Variants in NECTIN2 observed in about 807,000 individuals in gnomAD.
The protein encoded by NECTIN2 is nectin-2.
Under a neutral mutation model 56.9 loss-of-function variants are expected in NECTIN2, and 23 were observed. The ratio of observed to expected loss-of-function variants is 0.40; its 90% CI spans 0.29 to 0.57. The LOEUF (loss-of-function observed/expected upper bound fraction) is 0.57. Ranked by LOEUF, NECTIN2 falls within the 20% of genes least tolerant of loss-of-function variation. The pLI is 0.38. For missense variants in NECTIN2, 587 were observed against 718.3 expected (o/e 0.82, Z 2.09); for synonymous variants, 302 against 313.8 (o/e 0.96, Z 0.40).
intron 1 of NECTIN2, among the ~76,000 whole-genome samples, chr19:44,855,571 A>G (rs1968956663): frequency 6.6e-6 from 1 of 151,990 alleles, no homozygotes; most frequent in Non-Finnish European, 1.5e-5. Flanking sequence ...TCCCTCCTTC[A>G]GACAGGTCAA....
At chr19:44,883,422 G>A (rs530754475) in intron 6 of NECTIN2, among the ~76,000 whole-genome samples, 44 of 152,162 alleles carry the variant, frequency 2.9e-4, no homozygotes, top group Middle Eastern at 3.4e-3. Context: ...TTACAGATGC[G>A]CGCCACCACG....
chr19:44,849,830 G>A (rs1481214405), intron 1 of NECTIN2, among the ~76,000 whole-genome samples: 2 of 152,128 alleles, frequency 1.3e-5, no homozygotes, highest in Non-Finnish European at 2.9e-5. Flanking sequence ...AGTGACTAAC[G>A]GGGACAGGGT....
At chr19:44,858,464 A>C (rs1443953071) in intron 1 of NECTIN2, among the ~76,000 whole-genome samples, 1 of 151,960 alleles carries the variant, frequency 6.6e-6, no homozygotes, top group African/African-American at 2.4e-5. Flanking sequence ...CTGGGAATAC[A>C]GGGGCCCGCC....
chr19:44,876,917 C>T (rs1224518404), intron 5 of NECTIN2, among the ~76,000 whole-genome samples: 1 of 152,034 alleles, frequency 6.6e-6, no homozygotes, highest in Non-Finnish European at 1.5e-5. Context: ...TATGAACAGA[C>T]TCAGCTTCGA....
At chr19:44,847,812 A>G (rs1427590950) in intron 1 of NECTIN2, among the ~76,000 whole-genome samples, 1 of 152,162 alleles carries the variant, frequency 6.6e-6, no homozygotes, top group Non-Finnish European at 1.5e-5. Context: ...CCTCAGAGCC[A>G]TAGCAGGAGG....
At chr19:44,857,796 T>C (rs1290738842) in intron 1 of NECTIN2, among the ~76,000 whole-genome samples, 1 of 151,300 alleles carries the variant, frequency 6.6e-6, no homozygotes, top group East Asian at 1.9e-4. Flanking sequence ...TCCACCCACT[T>C]CGGCCTCCCA....
At chr19:44,878,580 T>G in intron 5 of NECTIN2, 1 of 1,611,794 alleles carries the variant, frequency 6.2e-7, no homozygotes, top group Non-Finnish European at 8.5e-7. Context: ...GAGTCCCAGC[T>G]GGACGGCTCC....
intron 1 of NECTIN2, among the ~76,000 whole-genome samples, chr19:44,861,345 G>T (rs1969029718): frequency 6.6e-6 from 1 of 152,172 alleles, no homozygotes; most frequent in Non-Finnish European, 1.5e-5. Context: ...ACCTGCGCTT[G>T]TATGTTTATT....
intron 6 of NECTIN2, among the ~76,000 whole-genome samples, chr19:44,884,549 A>G (rs941717829): frequency 1.3e-5 from 2 of 152,220 alleles, no homozygotes; most frequent in Non-Finnish European, 2.9e-5. Flanking sequence ...GTTCAAACCA[A>G]TAACTTGCTG....
chr19:44,885,307 C>CT (rs34485333), intron 6 of NECTIN2, among the ~76,000 whole-genome samples: 168 of 112,930 alleles, frequency 1.5e-3, no homozygotes, highest in Middle Eastern at 7.4e-3. Flanking sequence ...ATCTTTCTTT[C>CT]TTTTTTTTTT....
chr19:44,885,897 T>C (rs1435819522), intron 6 of NECTIN2, 40 bp from the exon 7 acceptor site: 1 of 1,501,948 alleles, frequency 6.7e-7, no homozygotes. Context: ...GAGGGATGCC[T>C]GGGTCTTAAT....
chr19:44,878,106 G>A (rs1969261098), intron 5 of NECTIN2: 9 of 524,540 alleles, frequency 1.7e-5, no homozygotes, highest in East Asian at 3.1e-5. Flanking sequence ...GGTCACTCCC[G>A]CTCCCTCCAT....
Position 44,865,573 on chromosome 19 carries a change from A to G in NECTIN2, c.391A>G (p.Thr131Ala), listed in dbSNP as rs754291150. 15 of 1,550,012 alleles carry G rather than the reference A, an allele frequency of 9.7e-6. No homozygotes were observed. Among genetic ancestry groups the G allele is most frequent in the African/African-American group, 8.2e-5 (6 of 73,232 alleles). The change falls in exon 2 of 9, where the codon ACG (threonine) becomes GCG (alanine). Residue 131 changes from threonine to alanine, a missense_variant. Thr to Ala is a moderately conservative substitution (Grantham distance 58). Coordinates refer to ENST00000252483, the MANE Select transcript of NECTIN2 (RefSeq NM_001042724.2). The surrounding 1 kb of genome is among the most constrained non-coding windows in gnomAD (Gnocchi z 5.2). ...CGCCACGCTGGCCCTCCACGGGCTCACGGTGGAGGACGAGGGCAACTACAC... is the reference window on the plus strand; with the variant it reads ...CGCCACGCTGGCCCTCCACGGGCTCGCGGTGGAGGACGAGGGCAACTACAC... Reference protein sequence around the residue: ...QDATLALHGLTVEDEGNYTCE... With the variant: ...QDATLALHGLAVEDEGNYTCE...
At chr19:44,863,836 A>G (rs1969061640) in intron 1 of NECTIN2, among the ~76,000 whole-genome samples, 1 of 114,156 alleles carries the variant, frequency 8.8e-6, no homozygotes. Flanking sequence ...AGCGAGACTC[A>G]GTCTCAAAAA....
chr19:44,851,650 G>A (rs973194578), intron 1 of NECTIN2, among the ~76,000 whole-genome samples: 6 of 152,198 alleles, frequency 3.9e-5, no homozygotes, highest in African/African-American at 1.4e-4. Context: ...GGGAGAGGAA[G>A]TGTGTCTGGG....
chr19:44,864,045 T>C (rs1448835494), intron 1 of NECTIN2, among the ~76,000 whole-genome samples: 3 of 151,708 alleles, frequency 2.0e-5, no homozygotes, highest in Non-Finnish European at 4.4e-5. Context: ...TATGAAAATT[T>C]TGGGGTGGGC....
chr19:44,862,582 C>T (rs1211006261), intron 1 of NECTIN2, among the ~76,000 whole-genome samples: 1 of 152,072 alleles, frequency 6.6e-6, no homozygotes. Flanking sequence ...AGGCCATTAT[C>T]CTGAGTAAAA....
In NECTIN2 at chr19:44,874,382, A is replaced by G. The variant is rs760302847; in HGVS notation, c.946A>G (p.Ile316Val). The change falls in exon 5 of 9, where the codon ATC (isoleucine) becomes GTC (valine). Residue 316 changes from isoleucine (I) to valine (V), a missense_variant. Transcript: ENST00000252483. The surrounding 1 kb of genome is among the most constrained non-coding windows in gnomAD (Gnocchi z 6.3). ...SAVAQGSQLV[I>V]HAVDSLFNTT... The stretch of plus-strand genomic sequence containing the variant: ...AGTGGCCCAGGGCTCCCAGCTGGTC[A>G]TCCACGCAGTGGACAGTCTGTTCAA... 1 of 1,614,122 alleles carries G rather than the reference A, an allele frequency of 6.2e-7. No homozygotes were observed. The highest frequency in any genetic ancestry group is 2.2e-5 in the East Asian group (1 of 44,876).
rs537385201 is a variant in NECTIN2 at position 44,875,786 on chromosome 19, C to T, written c.1042+1308C>T. On this transcript the variant is annotated intron_variant, in intron 5 of 8. Transcript: ENST00000252483. This position sits in a 1 kb window ranked among gnomAD's most constrained non-coding sequence, Gnocchi z 4.2. ...GAATGCACACACACTTGCAGGGACA[C>T]CCGAGGGAAAACAGACACCTCTTCA... Among the ~76,000 whole-genome samples the T allele has an allele frequency of 4.6e-5, 7 of 152,160 alleles. No individual in the cohort carries two copies. Among genetic ancestry groups the T allele is most frequent in the Middle Eastern group, 3.2e-3 (1 of 316 alleles).
Sources: allele counts gnomAD v4.1 joint callset (sites outside exome capture counted in the v4.1 genomes callset), GRCh38; gene constraint gnomAD v4.1.1; non-coding constraint Gnocchi (gnomAD v3.1); transcripts MANE v1.5; gene names NCBI Gene and HGNC (gene_info 2026-07-23, HGNC 2026-07-21).